SDC2: variants seen among roughly 807,000 people sequenced by gnomAD.
SDC2 encodes the protein syndecan-2.
A neutral mutation model predicts 22.2 loss-of-function variants in SDC2; 13 were observed. The ratio of observed to expected loss-of-function variants is 0.59; its 90% confidence interval spans 0.38 to 0.93. The LOEUF (loss-of-function observed/expected upper bound fraction) is 0.93. Ranked by LOEUF, SDC2 falls within the 40% of genes least tolerant of loss-of-function variation. The pLI is 0.00. For synonymous variants in SDC2, 94 were observed against 92.8 expected, an observed-to-expected ratio of 1.01 and a Z score of -0.07; for missense variants, 235 against 246.8, an observed-to-expected ratio of 0.95 and a Z score of 0.32.
chr8:96,526,274 T>C (rs895597398), intron 1 of SDC2, among the ~76,000 whole-genome samples: 12 of 147,336 alleles, frequency 8.1e-5, no homozygotes, highest in African/African-American at 3.1e-4. Context: ...ATAAAGCTAA[T>C]ACTTGAAGTT....
chr8:96,522,161 C>G (rs1362962726), intron 1 of SDC2, among the ~76,000 whole-genome samples: 1 of 151,974 alleles, frequency 6.6e-6, no homozygotes, highest in African/African-American at 2.4e-5. Flanking sequence ...TTGGTTATAT[C>G]TATAGCTGTA....
chr8:96,503,536 CA>C (rs1052812451), intron 1 of SDC2, among the ~76,000 whole-genome samples: 11 of 152,048 alleles, frequency 7.2e-5, no homozygotes, highest in Non-Finnish European at 1.6e-4. Flanking sequence ...TACACATACA[CA>C]AACATACACA....
intron 1 of SDC2, among the ~76,000 whole-genome samples, chr8:96,565,748 T>A (rs563766833): frequency 6.6e-6 from 1 of 152,086 alleles, no homozygotes; most frequent in African/African-American, 2.4e-5. Flanking sequence ...TTGGAAAGGC[T>A]GGGTAGATAA....
At chr8:96,499,126 T>C (rs1272852101) in intron 1 of SDC2, among the ~76,000 whole-genome samples, 2 of 152,220 alleles carry the variant, frequency 1.3e-5, no homozygotes, top group Admixed American at 6.5e-5. Context: ...CCCATTGATA[T>C]CACTATCATG....
chr8:96,603,724 G>T (rs1192930698), intron 3 of SDC2, among the ~76,000 whole-genome samples: 1 of 152,114 alleles, frequency 6.6e-6, no homozygotes, highest in East Asian at 1.9e-4. Flanking sequence ...TGGCACCGCT[G>T]GATGGGTTTC....
At chr8:96,524,203 G>A (rs919888334) in intron 1 of SDC2, among the ~76,000 whole-genome samples, 2 of 152,184 alleles carry the variant, frequency 1.3e-5, no homozygotes, top group African/African-American at 4.8e-5. Flanking sequence ...GATGACTGTA[G>A]GCAGAAATTG....
At chr8:96,516,896 C>A (rs1298377250) in intron 1 of SDC2, among the ~76,000 whole-genome samples, 1 of 152,132 alleles carries the variant, frequency 6.6e-6, no homozygotes, top group African/African-American at 2.4e-5. Flanking sequence ...GCATTTGTGT[C>A]CAAGTGTACA....
chr8:96,565,084 AT>A (rs11304418), intron 1 of SDC2, among the ~76,000 whole-genome samples: 1,571 of 67,856 alleles, frequency 0.023, 124 homozygotes, highest in African/African-American at 0.076. Context: ...CCTAAATTTG[AT>A]TTTTTTTTTT....
At chr8:96,496,125 TATTC>T (rs2130409737) in intron 1 of SDC2, among the ~76,000 whole-genome samples, 1 of 152,300 alleles carries the variant, frequency 6.6e-6, no homozygotes, top group South Asian at 2.1e-4. Context: ...TGCTGAGTCT[TATTC>T]ATGGATTTGC....
chr8:96,545,985 AACAGCAGT>A (rs754507526), intron 1 of SDC2, among the ~76,000 whole-genome samples: 3 of 152,256 alleles, frequency 2.0e-5, no homozygotes, highest in Non-Finnish European at 2.9e-5. Flanking sequence ...GCAGCGAGGC[AACAGCAGT>A]CAGGCTCTAC....
intron 1 of SDC2, among the ~76,000 whole-genome samples, chr8:96,552,407 G>A (rs947088563): frequency 3.9e-5 from 6 of 152,174 alleles, no homozygotes; most frequent in African/African-American, 1.4e-4. Context: ...ATCGTGCTGT[G>A]TTGTTACTGT....
intron 1 of SDC2, among the ~76,000 whole-genome samples, chr8:96,592,851 C>T (rs1274281354): frequency 1.3e-5 from 2 of 152,238 alleles, no homozygotes; most frequent in Non-Finnish European, 2.9e-5. Context: ...TTCTCCCTGT[C>T]AGGTGAGCCT....
At chr8:96,561,283 T>C (rs1814206057) in intron 1 of SDC2, among the ~76,000 whole-genome samples, 1 of 152,192 alleles carries the variant, frequency 6.6e-6, no homozygotes, top group South Asian at 2.1e-4. Flanking sequence ...CAGTATATGC[T>C]TGCTCAAGCA....
At chr8:96,555,662 G>C (rs936490465) in intron 1 of SDC2, among the ~76,000 whole-genome samples, 7 of 152,154 alleles carry the variant, frequency 4.6e-5, no homozygotes, top group African/African-American at 1.7e-4. Context: ...TCCCTTTGAT[G>C]TGTAATACGT....
chr8:96,551,058 C>T (rs1814017248), intron 1 of SDC2, among the ~76,000 whole-genome samples: 1 of 152,180 alleles, frequency 6.6e-6, no homozygotes. Flanking sequence ...ATGCAAGTCC[C>T]CACTGGCCAG....
chr8:96,504,079 A>G (rs545430295), intron 1 of SDC2, among the ~76,000 whole-genome samples: 3 of 152,260 alleles, frequency 2.0e-5, no homozygotes, highest in Non-Finnish European at 4.4e-5. Context: ...GGAGATAACA[A>G]TATGATCATC....
intron 1 of SDC2, chr8:96,580,563 C>G: frequency 1.0e-6 from 1 of 979,482 alleles, no homozygotes; most frequent in Non-Finnish European, 1.2e-6. Flanking sequence ...GAGGTTCTGT[C>G]TGGAGGTGAG....
intron 1 of SDC2, among the ~76,000 whole-genome samples, chr8:96,559,483 A>G (rs190082724): frequency 1.6e-4 from 25 of 152,226 alleles, no homozygotes; most frequent in Admixed American, 1.5e-3. Context: ...GAAGAGTGAA[A>G]CTGCAGTTTA....
At chr8:96,548,249 A>G (rs1813967978) in intron 1 of SDC2, among the ~76,000 whole-genome samples, 1 of 152,218 alleles carries the variant, frequency 6.6e-6, no homozygotes, top group Non-Finnish European at 1.5e-5. Context: ...AAAATGAAAA[A>G]CAGGATGGTT....
Sources: gnomAD v4.1 joint callset for allele counts (sites outside exome capture counted in the v4.1 genomes callset) on GRCh38, gnomAD v4.1.1 for gene constraint, MANE v1.5 for transcripts, NCBI Gene and HGNC (gene_info 2026-07-23, HGNC 2026-07-21) for gene names.